Variants in PRMT3 observed in about 807,000 individuals in gnomAD.
PRMT3 encodes the protein protein arginine N-methyltransferase 3.
A neutral mutation model predicts 71.9 loss-of-function variants in PRMT3; 62 were observed. The ratio of observed to expected loss-of-function variants is 0.86; its 90% CI spans 0.70 to 1.07. The LOEUF is 1.07. PRMT3 is among the 50% of genes least tolerant of loss of function. The pLI is 0.00. For missense variants in PRMT3, 663 were observed against 643.0 expected, an observed-to-expected ratio of 1.03 and a Z score of -0.34; for synonymous variants, 213 against 220.4, an observed-to-expected ratio of 0.97 and a Z score of 0.30.
At chr11:20,485,512 G>A (rs967318655) in intron 13 of PRMT3, among the ~76,000 whole-genome samples, 9 of 152,074 alleles carry the variant, frequency 5.9e-5, no homozygotes, top group African/African-American at 1.4e-4. Context: ...TTTAAAATAC[G>A]GTTTGGAAAA....
chr11:20,501,204 A>G (rs1208486760), intron 15 of PRMT3, among the ~76,000 whole-genome samples: 1 of 152,182 alleles, frequency 6.6e-6, no homozygotes, highest in East Asian at 1.9e-4. Flanking sequence ...AGATAAATTC[A>G]TATACACATT....
At chr11:20,490,832 C>A (rs969130482) in intron 13 of PRMT3, among the ~76,000 whole-genome samples, 5 of 151,766 alleles carry the variant, frequency 3.3e-5, no homozygotes, top group Non-Finnish European at 7.4e-5. Flanking sequence ...TCCAGTTTAC[C>A]TTCTGAAGAA....
intron 9 of PRMT3, among the ~76,000 whole-genome samples, chr11:20,420,905 G>A (rs1464546754): frequency 6.6e-6 from 1 of 152,138 alleles, no homozygotes; most frequent in Non-Finnish European, 1.5e-5. Context: ...AGAATTGGAT[G>A]TGAAAAAACA....
At chr11:20,493,583 A>G (rs1000283276) in intron 13 of PRMT3, among the ~76,000 whole-genome samples, 3 of 152,212 alleles carry the variant, frequency 2.0e-5, no homozygotes, top group Non-Finnish European at 4.4e-5. Flanking sequence ...GTGGGTGGAC[A>G]TCTCAGTTGG....
chr11:20,494,617 C>A (rs913473203), intron 15 of PRMT3, among the ~76,000 whole-genome samples: 6 of 152,150 alleles, frequency 3.9e-5, no homozygotes, highest in African/African-American at 9.7e-5. Flanking sequence ...TGAGCCACTG[C>A]GCCTGGCCTG....
intron 10 of PRMT3, among the ~76,000 whole-genome samples, chr11:20,437,007 T>C (rs2133366229): frequency 6.6e-6 from 1 of 152,314 alleles, no homozygotes; most frequent in South Asian, 2.1e-4. Flanking sequence ...GTAGGTTGTA[T>C]GTGTCCAGGA....
chr11:20,442,563 T>A (rs932531606), intron 10 of PRMT3, among the ~76,000 whole-genome samples: 1 of 152,190 alleles, frequency 6.6e-6, no homozygotes, highest in African/African-American at 2.4e-5. Context: ...TATACTTTGC[T>A]TTTATTCAAT....
chr11:20,497,074 G>A (rs1851350667), intron 15 of PRMT3, among the ~76,000 whole-genome samples: 2 of 152,068 alleles, frequency 1.3e-5, no homozygotes, highest in Non-Finnish European at 2.9e-5. Flanking sequence ...TAGCCATTTT[G>A]TCATCTTAAT....
Position 20,455,910 on chromosome 11 carries a change from A to G in PRMT3, c.1072+3702A>G, listed in dbSNP as rs566129052. Among the ~76,000 whole-genome samples the G allele has an allele frequency of 1.2e-4, 19 of 152,244 alleles. 1 individual carries two copies. The South Asian group carries it at 3.7e-3, about 30-fold the overall frequency. On this transcript the variant is annotated intron_variant, in intron 11 of 15. Transcript: ENST00000331079. ...GTACACTGTGAATTTCAGATAATCAAAGATTAAATGCAAGATAAGTCAAAT... is the reference window on the plus strand; with the variant it reads ...GTACACTGTGAATTTCAGATAATCAGAGATTAAATGCAAGATAAGTCAAAT...
chr11:20,497,296 G>A (rs1439881621), intron 15 of PRMT3, among the ~76,000 whole-genome samples: 2 of 152,106 alleles, frequency 1.3e-5, no homozygotes, highest in African/African-American at 4.8e-5. Context: ...ATAGAATATC[G>A]TGAAGGAGGT....
rs1209290364 is a variant in PRMT3 at position 20,407,903 on chromosome 11, T to A, written c.772-8T>A. ...TGTTTTGTTTTGGTTTTTTCTTAAT[T>A]ACCCTAGGTAGTTTTGGATGTTGGG... On this transcript the variant is annotated splice_region_variant and splice_polypyrimidine_tract_variant and intron_variant, in intron 8 of 15. Transcript: ENST00000331079. 6.2e-7 allele frequency: 1 copy of A among 1,600,724 alleles called. No individual in the cohort carries two copies. Among genetic ancestry groups the A allele is most frequent in the Non-Finnish European group, 8.5e-7 (1 of 1,173,258 alleles).
At chr11:20,416,571 A>T (rs1282191820) in intron 9 of PRMT3, among the ~76,000 whole-genome samples, 2 of 152,162 alleles carry the variant, frequency 1.3e-5, no homozygotes, top group Non-Finnish European at 2.9e-5. Flanking sequence ...GGGACATTAC[A>T]TATTCAAAGC....
At chr11:20,474,660 C>G (rs1850735911) in intron 13 of PRMT3, among the ~76,000 whole-genome samples, 1 of 152,250 alleles carries the variant, frequency 6.6e-6, no homozygotes, top group African/African-American at 2.4e-5. Context: ...CAATCACTCA[C>G]TGCTTCCCTT....
chr11:20,444,612 C>T (rs1402398927), intron 10 of PRMT3, among the ~76,000 whole-genome samples: 3 of 152,072 alleles, frequency 2.0e-5, no homozygotes, highest in Non-Finnish European at 4.4e-5. Context: ...GATAAGAGAA[C>T]ATGCTCTATA....
intron 10 of PRMT3, among the ~76,000 whole-genome samples, chr11:20,444,743 G>A (rs896317539): frequency 6.6e-5 from 10 of 152,082 alleles, no homozygotes; most frequent in South Asian, 2.1e-4. Flanking sequence ...GGAGTGTTAC[G>A]TAATTACCAT....
intron 10 of PRMT3, among the ~76,000 whole-genome samples, chr11:20,451,307 A>T: frequency 6.6e-6 from 1 of 150,998 alleles, no homozygotes; most frequent in Non-Finnish European, 1.5e-5. Flanking sequence ...GTTAAATAGA[A>T]AAAAAAAAGG....
At chr11:20,401,005 T>A (rs1169140998) in intron 7 of PRMT3, among the ~76,000 whole-genome samples, 1 of 152,130 alleles carries the variant, frequency 6.6e-6, no homozygotes, top group East Asian at 1.9e-4. Flanking sequence ...AGTGACTGAA[T>A]TGAAGCTCTG....
intron 13 of PRMT3, among the ~76,000 whole-genome samples, chr11:20,472,368 T>G (rs527375348): frequency 6.6e-6 from 1 of 152,314 alleles, no homozygotes; most frequent in African/African-American, 2.4e-5. Flanking sequence ...TTTTGAGATA[T>G]GTTCCACCAA....
intron 15 of PRMT3, among the ~76,000 whole-genome samples, chr11:20,500,808 G>A (rs148695104): frequency 7.9e-4 from 120 of 152,316 alleles, no homozygotes; most frequent in East Asian, 3.7e-3. Flanking sequence ...CTTTGGAGTG[G>A]TTTATGAAAC....
Sources: gnomAD v4.1 joint callset for allele counts (sites outside exome capture counted in the v4.1 genomes callset) on GRCh38, gnomAD v4.1.1 for gene constraint, MANE v1.5 for transcripts, NCBI Gene and HGNC (gene_info 2026-07-23, HGNC 2026-07-21) for gene names.